DPP10: variants seen among roughly 807,000 people sequenced by gnomAD.
DPP10 encodes the protein dipeptidyl peptidase like 10, also known as inactive dipeptidyl peptidase 10.
Under a neutral mutation model 120.9 loss-of-function variants are expected in DPP10, and 33 were observed. That is an observed-to-expected ratio of 0.27 (90% confidence interval 0.21 to 0.37). The LOEUF (loss-of-function observed/expected upper bound fraction) is 0.37, where lower values mean the gene tolerates loss of function less well. Ranked by LOEUF, DPP10 falls within the 10% of genes least tolerant of loss-of-function variation. The probability of loss-of-function intolerance (pLI) is 1.00; values close to 1 mark genes in which losing one functional copy is unlikely to be tolerated. For missense variants in DPP10, 816 were observed against 942.8 expected (o/e 0.87, Z 1.76); for synonymous variants, 337 against 326.1 (o/e 1.03, Z -0.36).
chr2:114,442,761 T>C lies in DPP10; in HGVS notation c.-18T>C, dbSNP rs917044620. ...TGGAACTCCGCCTGGGATTGTGCACTGTCCAGGGTCCTGAAACATGAACCA... is the reference window on the plus strand; with the variant it reads ...TGGAACTCCGCCTGGGATTGTGCACCGTCCAGGGTCCTGAAACATGAACCA... On this transcript the variant is annotated 5_prime_UTR_variant, in exon 1 of 26. Coordinates refer to ENST00000410059, the MANE Select transcript of DPP10 (RefSeq NM_020868.6). 1.2e-6 allele frequency: 2 copies of C among 1,613,054 alleles called. No individual in the cohort carries two copies. Among genetic ancestry groups the C allele is most frequent in the Non-Finnish European group, 1.7e-6 (2 of 1,179,326 alleles).
intron 1 of DPP10, among the ~76,000 whole-genome samples, chr2:114,502,409 A>G (rs1201191995): frequency 1.3e-5 from 2 of 152,238 alleles, no homozygotes; most frequent in African/African-American, 4.8e-5. Flanking sequence ...GTTCATGAAC[A>G]TATCCCCTTT....
chr2:115,338,925 G>A (rs1351718206), intron 2 of DPP10, among the ~76,000 whole-genome samples: 10 of 152,216 alleles, frequency 6.6e-5, no homozygotes, highest in Admixed American at 4.6e-4. Context: ...GCAAAAGCAC[G>A]ATTCATAAAA....
At chr2:115,612,838 C>T (rs990488524) in intron 5 of DPP10, among the ~76,000 whole-genome samples, 4 of 151,172 alleles carry the variant, frequency 2.6e-5, no homozygotes, top group Admixed American at 1.3e-4. Flanking sequence ...CCGTTAGATG[C>T]ATTAAAATGC....
At position 114,671,602 on chromosome 2, in the gene DPP10, A is replaced by G. The variant is rs553044940; in HGVS notation, c.60+228764A>G. On this transcript the variant is annotated intron_variant, in intron 1 of 25. Coordinates refer to ENST00000410059, the MANE Select transcript of DPP10 (RefSeq NM_020868.6). ...TAACATAATAGGATTTGGTAATATC[A>G]TGGTGCCAAGCATCCACTGGGGGTC... Among the ~76,000 whole-genome samples the G allele has an allele frequency of 5.9e-5, 9 of 152,258 alleles. No homozygotes were observed. The South Asian group carries it at 1.0e-3, about 18-fold the overall frequency.
chr2:114,771,927 G>C (rs1681298867), intron 1 of DPP10, among the ~76,000 whole-genome samples: 1 of 151,854 alleles, frequency 6.6e-6, no homozygotes, highest in South Asian at 2.1e-4. Flanking sequence ...TTACTCTCAG[G>C]CCAGTATGGT....
At chr2:115,219,366 C>G (rs1399636969) in intron 1 of DPP10, among the ~76,000 whole-genome samples, 1 of 151,862 alleles carries the variant, frequency 6.6e-6, no homozygotes, top group Admixed American at 6.6e-5. Flanking sequence ...GAGCATGGTT[C>G]AAGATTTCCA....
chr2:115,472,184 C>A lies in DPP10; in HGVS notation c.272-27326C>A, dbSNP rs143816939. On this transcript the variant is annotated intron_variant, in intron 3 of 25. Coordinates refer to ENST00000410059, the MANE Select transcript of DPP10 (RefSeq NM_020868.6). ...GTTTTAAATCATTTACTCATTCTGA[C>A]AAGCATATTCAGTAAACAACTGTAG... Among the ~76,000 whole-genome samples, 165 of 152,206 alleles carry A rather than the reference C, an allele frequency of 1.1e-3. 4 individuals carry two copies. In the East Asian group the frequency reaches 0.022, roughly 20 times the overall value.
chr2:114,568,366 C>T lies in DPP10; in HGVS notation c.60+125528C>T, dbSNP rs1438245019. On this transcript the variant is annotated intron_variant, in intron 1 of 25. Coordinates refer to ENST00000410059, the MANE Select transcript of DPP10 (RefSeq NM_020868.6). The stretch of plus-strand genomic sequence containing the variant: ...AATACGATTGCTGAGTATAGTCACT[C>T]GTGAATGGAACTGGAGGTCATTATG... Among the ~76,000 whole-genome samples the T allele has an allele frequency of 2.6e-5, 4 of 152,100 alleles. No individual in the cohort carries two copies. In the South Asian group the frequency reaches 6.2e-4, roughly 24 times the overall value.
intron 1 of DPP10, among the ~76,000 whole-genome samples, chr2:115,152,025 A>C (rs2051593781): frequency 6.6e-6 from 1 of 150,710 alleles, no homozygotes; most frequent in Admixed American, 6.6e-5. Flanking sequence ...TGTTTTTTTC[A>C]TGTGTTGCAT....
At chr2:115,619,689 G>A (rs2084802574) in intron 5 of DPP10, among the ~76,000 whole-genome samples, 1 of 152,166 alleles carries the variant, frequency 6.6e-6, no homozygotes, top group South Asian at 2.1e-4. Context: ...CCCAGGCATA[G>A]AACTGCCCTT....
intron 2 of DPP10, among the ~76,000 whole-genome samples, chr2:115,334,088 G>A (rs1394494083): frequency 6.6e-6 from 1 of 151,772 alleles, no homozygotes; most frequent in African/African-American, 2.4e-5. Context: ...TTATCCGGGA[G>A]AACTTCCCCA....
chr2:114,757,449 C>T (rs954312238), intron 1 of DPP10, among the ~76,000 whole-genome samples: 2 of 151,790 alleles, frequency 1.3e-5, no homozygotes, highest in South Asian at 2.1e-4. Flanking sequence ...AAAAAAGATT[C>T]ATTAATAAGA....
At chr2:115,776,354 A>G (rs921967983) in intron 13 of DPP10, among the ~76,000 whole-genome samples, 1 of 152,084 alleles carries the variant, frequency 6.6e-6, no homozygotes, top group Non-Finnish European at 1.5e-5. Flanking sequence ...ATGAGTGAGA[A>G]CATGCAGTGT....
intron 1 of DPP10, among the ~76,000 whole-genome samples, chr2:114,992,804 C>T (rs924452064): frequency 3.3e-5 from 5 of 152,140 alleles, no homozygotes; most frequent in African/African-American, 1.2e-4. Context: ...TCGATGACAT[C>T]AGAAGAATGT....
chr2:114,936,382 T>C (rs1696471365), intron 1 of DPP10, among the ~76,000 whole-genome samples: 1 of 151,818 alleles, frequency 6.6e-6, no homozygotes, highest in Non-Finnish European at 1.5e-5. Context: ...TGTATATATA[T>C]ACACATATAT....
intron 10 of DPP10, among the ~76,000 whole-genome samples, chr2:115,747,679 C>T (rs1224631472): frequency 6.6e-6 from 1 of 151,590 alleles, no homozygotes; most frequent in Admixed American, 6.6e-5. Context: ...CTACAAGCTC[C>T]GCCTCCCAGG....
chr2:115,353,106 T>C (rs1453835497), intron 3 of DPP10, among the ~76,000 whole-genome samples: 1 of 152,078 alleles, frequency 6.6e-6, no homozygotes, highest in Middle Eastern at 3.2e-3. Context: ...AGGTGATCCA[T>C]TTCTGGGTAA....
At chr2:115,279,180 G>C (rs2060037258) in intron 1 of DPP10, among the ~76,000 whole-genome samples, 1 of 152,004 alleles carries the variant, frequency 6.6e-6, no homozygotes, top group African/African-American at 2.4e-5. Flanking sequence ...GGACATCATT[G>C]ATTTGACCAG....
At chr2:115,136,358 C>T (rs994631698) in intron 1 of DPP10, among the ~76,000 whole-genome samples, 1 of 152,052 alleles carries the variant, frequency 6.6e-6, no homozygotes, top group Non-Finnish European at 1.5e-5. Flanking sequence ...ATGTGGATGT[C>T]CTATGAAAAT....
Sources: allele counts gnomAD v4.1 joint callset (sites outside exome capture counted in the v4.1 genomes callset), GRCh38; gene constraint gnomAD v4.1.1; transcripts MANE v1.5; gene names NCBI Gene and HGNC (gene_info 2026-07-23, HGNC 2026-07-21).